CORIN: variants seen among roughly 807,000 people sequenced by gnomAD.
CORIN encodes the protein corin, serine peptidase.
Under a neutral mutation model 125.3 loss-of-function variants are expected in CORIN, and 117 were observed. The observed-to-expected ratio is 0.93, with a 90% confidence interval of 0.80 to 1.09. The LOEUF (loss-of-function observed/expected upper bound fraction) is 1.09. Among genes scored for constraint, CORIN ranks in the 50% least tolerant of loss-of-function variants. CORIN has a pLI of 0.00. For synonymous variants in CORIN, 450 were observed against 466.4 expected (o/e 0.96, Z 0.45); for missense variants, 1,253 against 1,306.7 (o/e 0.96, Z 0.63).
chr4:47,759,298 T>C (rs1729339207), intron 4 of CORIN, among the ~76,000 whole-genome samples: 2 of 152,178 alleles, frequency 1.3e-5, no homozygotes, highest in Non-Finnish European at 2.9e-5. Flanking sequence ...GGGGAACCTA[T>C]AGCCTGGTTA....
At chr4:47,669,288 T>C (rs1004198199) in intron 10 of CORIN, among the ~76,000 whole-genome samples, 5 of 152,212 alleles carry the variant, frequency 3.3e-5, no homozygotes, top group Admixed American at 2.0e-4. Context: ...CTGAAGTTAC[T>C]AGAAATCATG....
intron 9 of CORIN, among the ~76,000 whole-genome samples, chr4:47,675,931 G>A (rs1382037650): frequency 6.6e-6 from 1 of 152,104 alleles, no homozygotes; most frequent in Admixed American, 6.6e-5. Context: ...GTTTCTCAAA[G>A]GACTTTTCCA....
intron 2 of CORIN, among the ~76,000 whole-genome samples, chr4:47,800,227 G>T (rs979215037): frequency 6.6e-6 from 1 of 151,774 alleles, no homozygotes; most frequent in East Asian, 1.9e-4. Context: ...ACTTTAAATG[G>T]TTGGATTGAA....
intron 19 of CORIN, among the ~76,000 whole-genome samples, chr4:47,618,365 GGGAAGGGAAA>G (rs1722157057): frequency 6.6e-6 from 1 of 151,228 alleles, no homozygotes; most frequent in Non-Finnish European, 1.5e-5. Context: ...GGAAAGGGAA[GGGAAGGGAAA>G]GGAAGGGAAA....
At chr4:47,681,255 T>C (rs1240919194) in intron 7 of CORIN, 1 of 152,164 alleles carries the variant, frequency 6.6e-6, no homozygotes, top group Non-Finnish European at 1.5e-5. Context: ...GAGGAAAGTA[T>C]AGGGAGGACA....
chr4:47,623,309 TAG>T (rs1370849820), intron 19 of CORIN, among the ~76,000 whole-genome samples: 1 of 152,090 alleles, frequency 6.6e-6, no homozygotes. Context: ...AATAGTAGCA[TAG>T]AGTCAGTCTT....
chr4:47,720,610 A>G (rs1173022906), intron 5 of CORIN, among the ~76,000 whole-genome samples: 1 of 152,170 alleles, frequency 6.6e-6, no homozygotes, highest in Non-Finnish European at 1.5e-5. Context: ...ATCTACATAG[A>G]GCTATCCCTA....
At chr4:47,672,632 G>A (rs1431879504) in intron 10 of CORIN, among the ~76,000 whole-genome samples, 1 of 152,010 alleles carries the variant, frequency 6.6e-6, no homozygotes, top group Non-Finnish European at 1.5e-5. Flanking sequence ...GTGTGTGTGT[G>A]TGTATATATA....
intron 5 of CORIN, among the ~76,000 whole-genome samples, chr4:47,703,102 C>T (rs1726384886): frequency 6.6e-6 from 1 of 152,088 alleles, no homozygotes; most frequent in East Asian, 1.9e-4. Context: ...TACTGTAGGA[C>T]CTCAACTATC....
chr4:47,752,838 C>T (rs1259760094), intron 4 of CORIN, among the ~76,000 whole-genome samples: 4 of 152,094 alleles, frequency 2.6e-5, no homozygotes, highest in Non-Finnish European at 5.9e-5. Flanking sequence ...CTTACCAGGG[C>T]CCAGGGGATG....
At position 47,812,086 on chromosome 4, in the gene CORIN, G is replaced by C. The variant is rs1013527306; in HGVS notation, c.64-5039C>G. On this transcript the variant is annotated intron_variant, in intron 1 of 21. Transcript: ENST00000273857. The stretch of plus-strand genomic sequence containing the variant: ...TTCATCAGGGCTTTTAATGAAATAT[G>C]ATATAATTGTACAGGGGGTAAATTA... Among the ~76,000 whole-genome samples, 46 of 152,146 alleles carry C rather than the reference G, an allele frequency of 3.0e-4. 1 individual carries two copies. Among genetic ancestry groups the C allele is most frequent in the Non-Finnish European group, 1.2e-4 (8 of 68,026 alleles).
At chr4:47,602,200 G>A (rs1280370344) in intron 20 of CORIN, among the ~76,000 whole-genome samples, 1 of 152,162 alleles carries the variant, frequency 6.6e-6, no homozygotes, top group African/African-American at 2.4e-5. Flanking sequence ...GAACCTGGGA[G>A]GTGGAGGTTG....
intron 6 of CORIN, among the ~76,000 whole-genome samples, chr4:47,685,501 G>C (rs1725471702): frequency 6.6e-6 from 1 of 152,152 alleles, no homozygotes; most frequent in African/African-American, 2.4e-5. Context: ...TACAGTAGCT[G>C]AGGGATTAGA....
intron 2 of CORIN, among the ~76,000 whole-genome samples, chr4:47,805,979 T>C (rs751170278): frequency 2.0e-5 from 3 of 152,234 alleles, no homozygotes; most frequent in Non-Finnish European, 4.4e-5. Flanking sequence ...TTATTGCTTT[T>C]TCCAAAAAGT....
At chr4:47,681,341 G>C (rs57067090) in intron 7 of CORIN, 29 of 152,408 alleles carry the variant, frequency 1.9e-4, no homozygotes, top group African/African-American at 6.7e-4. Context: ...CAGGGCAGAG[G>C]CTGGTCTGAA....
chr4:47,728,599 G>C (rs1001902606), intron 5 of CORIN, among the ~76,000 whole-genome samples: 1 of 152,152 alleles, frequency 6.6e-6, no homozygotes, highest in African/African-American at 2.4e-5. Flanking sequence ...AATAGACTCA[G>C]GGATGTGCAC....
intron 11 of CORIN, 68 bp downstream of exon 11, chr4:47,664,964 A>T (rs17462881): frequency 9.7e-7 from 1 of 1,026,844 alleles, no homozygotes; most frequent in Non-Finnish European, 1.5e-6. Flanking sequence ...TCCAAACTCA[A>T]CTAAGTCTTC....
Position 47,623,601 on chromosome 4 carries a change from C to A in CORIN, c.2510G>T (p.Trp837Leu), listed in dbSNP as rs958387461. ...GAAGCAGTGGGCAACTGTCAGAACC[C>A]ACTTCTTGGCAATGAGGACACAGCC... ...ICGCVLIAKK[W>L]VLTVAHCFEG... is the part of the protein sequence containing the mutation. The change falls in exon 19 of 22, where the codon TGG (tryptophan) becomes TTG (leucine). Residue 837 changes from tryptophan to leucine, a missense_variant. Trp to Leu is a moderately conservative substitution (Grantham distance 61). Coordinates refer to ENST00000273857, the MANE Select transcript of CORIN (RefSeq NM_006587.4). 6.2e-7 allele frequency: 1 copy of A among 1,614,136 alleles called. No individual in the cohort carries two copies. Among genetic ancestry groups the A allele is most frequent in the Non-Finnish European group, 8.5e-7 (1 of 1,180,008 alleles).
chr4:47,664,314 A>T (rs968580734), intron 11 of CORIN, among the ~76,000 whole-genome samples: 1 of 152,220 alleles, frequency 6.6e-6, no homozygotes, highest in Non-Finnish European at 1.5e-5. Context: ...ATTACAATGA[A>T]TCAGAAGCAC....
Sources: gnomAD v4.1 joint callset for allele counts (sites outside exome capture counted in the v4.1 genomes callset) on GRCh38, gnomAD v4.1.1 for gene constraint, MANE v1.5 for transcripts, NCBI Gene and HGNC (gene_info 2026-07-23, HGNC 2026-07-21) for gene names.